TMEM108: variants seen among roughly 807,000 people sequenced by gnomAD.
TMEM108 encodes the protein cancer/testis antigen 124.
TMEM108 carries 12 observed loss-of-function variants against 35.1 expected under a neutral mutation model. That is an observed-to-expected ratio of 0.34 (90% CI 0.22 to 0.55). The LOEUF (loss-of-function observed/expected upper bound fraction) is 0.55, where lower values mean the gene tolerates loss of function less well. Ranked by LOEUF, TMEM108 falls within the 20% of genes least tolerant of loss-of-function variation. The pLI is 0.89. For synonymous variants in TMEM108, 287 were observed against 308.6 expected, an observed-to-expected ratio of 0.93 and a Z score of 0.73; for missense variants, 680 against 753.3, an observed-to-expected ratio of 0.90 and a Z score of 1.14.
chr3:133,227,893 CA>C lies in TMEM108; in HGVS notation c.-46-1364del, dbSNP rs993240750. 4.0e-3 allele frequency among the ~76,000 whole-genome samples: 602 copies of C among 148,992 alleles called. 4 individuals carry two copies. The highest frequency in any genetic ancestry group is 0.014 in the African/African-American group (572 of 40,564). Reference sequence around the variant, plus strand: ...CTGGCGACAGAGTGAGACTTCGTCTCAAAAAAAAACATAAAATAAAATGAAA... The same window carrying C: ...CTGGCGACAGAGTGAGACTTCGTCTCAAAAAAAACATAAAATAAAATGAAA... On this transcript the variant is annotated intron_variant, in intron 2 of 5. Transcript: ENST00000321871.
chr3:133,143,315 G>A (rs949205272), intron 2 of TMEM108, among the ~76,000 whole-genome samples: 5 of 151,762 alleles, frequency 3.3e-5, no homozygotes, highest in Admixed American at 1.3e-4. Flanking sequence ...TTTAAAATGG[G>A]AATGCTTAGA....
At chr3:133,317,431 A>C (rs1184033360) in intron 3 of TMEM108, among the ~76,000 whole-genome samples, 1 of 152,224 alleles carries the variant, frequency 6.6e-6, no homozygotes, top group African/African-American at 2.4e-5. Context: ...TGTATCAATA[A>C]TATGATTTTT....
chr3:133,261,781 G>C (rs886855980), intron 3 of TMEM108, among the ~76,000 whole-genome samples: 3 of 152,210 alleles, frequency 2.0e-5, no homozygotes, highest in African/African-American at 4.8e-5. Flanking sequence ...TGATCTGCAG[G>C]AGGGAAGGTT....
chr3:133,057,781 G>C (rs992461530), intron 2 of TMEM108, among the ~76,000 whole-genome samples: 5 of 152,126 alleles, frequency 3.3e-5, no homozygotes, highest in African/African-American at 1.2e-4. Flanking sequence ...TTCATAATCA[G>C]AAATATTATC....
chr3:133,272,104 G>A (rs1465166543), intron 3 of TMEM108, among the ~76,000 whole-genome samples: 1 of 152,186 alleles, frequency 6.6e-6, no homozygotes, highest in East Asian at 1.9e-4. Context: ...CCTTAAGGCT[G>A]TGCAGATTCT....
In TMEM108 at chr3:133,380,066, C is replaced by G. The variant is rs201342829; in HGVS notation, c.355C>G (p.Pro119Ala). 28 of 1,613,868 alleles carry G rather than the reference C, an allele frequency of 1.7e-5. No individual in the cohort carries two copies. In the Admixed American group the frequency reaches 4.5e-4, roughly 26 times the overall value. ...SESSLSTGPA[P>A]AAMATTSSKP... ...AAGCTCCCTGTCCACAGGGCCCGCT[C>G]CAGCAGCCATGGCAACCACATCCTC... The change falls in exon 4 of 6, where the codon CCA (proline) becomes GCA (alanine). Residue 119 changes from proline to alanine, a missense_variant. Physicochemically the swap from Pro to Ala is conservative, Grantham distance 27. Transcript: ENST00000321871. The surrounding 1 kb of genome is among the most constrained non-coding windows in gnomAD (Gnocchi z 5.3).
chr3:133,196,039 C>T (rs997585632), intron 2 of TMEM108, among the ~76,000 whole-genome samples: 1 of 152,202 alleles, frequency 6.6e-6, no homozygotes, highest in Non-Finnish European at 1.5e-5. Context: ...ACTTTTCAAT[C>T]TTTGTCCACC....
At chr3:133,086,069 G>T (rs549419413) in intron 2 of TMEM108, among the ~76,000 whole-genome samples, 23 of 152,288 alleles carry the variant, frequency 1.5e-4, no homozygotes, top group Non-Finnish European at 2.9e-4. Context: ...TTACTAAGGA[G>T]ATATCATATG....
At chr3:133,357,512 A>C (rs2072209550) in intron 3 of TMEM108, among the ~76,000 whole-genome samples, 1 of 152,226 alleles carries the variant, frequency 6.6e-6, no homozygotes, top group Non-Finnish European at 1.5e-5. Context: ...AATTACAGAG[A>C]TATGAAACCA....
chr3:133,390,439 C>A, intron 5 of TMEM108, 105 bp downstream of exon 5: 2 of 1,262,378 alleles, frequency 1.6e-6, no homozygotes, highest in Non-Finnish European at 1.1e-6. Context: ...ACGTATGGCC[C>A]ATGGACCAGC....
intron 2 of TMEM108, among the ~76,000 whole-genome samples, chr3:133,113,923 T>A (rs1360968762): frequency 6.6e-6 from 1 of 152,222 alleles, no homozygotes; most frequent in African/African-American, 2.4e-5. Flanking sequence ...ACAGAATGAT[T>A]GATTCTGGGG....
chr3:133,314,060 CT>C (rs1258943262), intron 3 of TMEM108, among the ~76,000 whole-genome samples: 1 of 152,074 alleles, frequency 6.6e-6, no homozygotes, highest in Non-Finnish European at 1.5e-5. Context: ...AAAAACTTCT[CT>C]GATTTGATTC....
intron 2 of TMEM108, among the ~76,000 whole-genome samples, chr3:133,135,167 T>C (rs573535245): frequency 4.2e-4 from 64 of 152,122 alleles, no homozygotes; most frequent in African/African-American, 1.2e-3. Context: ...GTTTTTTTTT[T>C]TTTCTTTCTT....
chr3:133,097,042 G>A (rs1944024328), intron 2 of TMEM108, among the ~76,000 whole-genome samples: 1 of 152,210 alleles, frequency 6.6e-6, no homozygotes, highest in Admixed American at 6.5e-5. Flanking sequence ...CTAAAACATG[G>A]TTAGATTGGC....
chr3:133,342,559 C>CACACAT (rs1553764072), intron 3 of TMEM108, among the ~76,000 whole-genome samples: 2 of 45,418 alleles, frequency 4.4e-5, no homozygotes, highest in African/African-American at 2.1e-4. Context: ...TATATATACA[C>CACACAT]ACACACACAC....
At chr3:133,217,804 A>C (rs1214047416) in intron 2 of TMEM108, among the ~76,000 whole-genome samples, 1 of 151,902 alleles carries the variant, frequency 6.6e-6, no homozygotes, top group African/African-American at 2.4e-5. Flanking sequence ...GTCAATACCA[A>C]ACAGTTTTGA....
At chr3:133,124,594 A>ACAGCCAGC (rs1266547725) in intron 2 of TMEM108, among the ~76,000 whole-genome samples, 13 of 152,108 alleles carry the variant, frequency 8.5e-5, no homozygotes, top group Non-Finnish European at 1.8e-4. Context: ...TGCCCTTTCC[A>ACAGCCAGC]CAGCCAGCCA....
rs1028876145 is a variant in TMEM108 at position 133,199,781 on chromosome 3, C to T, written c.-46-29485C>T. On this transcript the variant is annotated intron_variant, in intron 2 of 5. Transcript: ENST00000321871. The stretch of plus-strand genomic sequence containing the variant: ...AAACTCCGTGCTGGGAGAACCACTA[C>T]TCTCTTCAAAGCTGTCAGACTGGGA... Among the ~76,000 whole-genome samples, 41 of 152,196 alleles carry T rather than the reference C, an allele frequency of 2.7e-4. 1 individual carries two copies. The highest frequency in any genetic ancestry group is 9.6e-4 in the African/African-American group (40 of 41,454).
At chr3:133,206,783 G>T (rs1347712305) in intron 2 of TMEM108, among the ~76,000 whole-genome samples, 1 of 152,176 alleles carries the variant, frequency 6.6e-6, no homozygotes, top group Non-Finnish European at 1.5e-5. Flanking sequence ...CAAGTGTCAG[G>T]GACCCATTTG....
Sources: gnomAD v4.1 joint callset for allele counts (sites outside exome capture counted in the v4.1 genomes callset) on GRCh38, gnomAD v4.1.1 for gene constraint, Gnocchi (gnomAD v3.1) non-coding constraint, MANE v1.5 for transcripts, NCBI Gene and HGNC (gene_info 2026-07-23, HGNC 2026-07-21) for gene names.